The following HSPB8 variants were observed in gnomAD, a reference collection of about 807,000 sequenced individuals.
HSPB8 encodes heat shock protein beta-8.
HSPB8 carries 9 observed loss-of-function variants against 16.5 expected under a neutral mutation model. That is an observed-to-expected ratio of 0.55 (90% confidence interval 0.33 to 0.95). The LOEUF is 0.95. Among genes scored for constraint, HSPB8 ranks in the 40% least tolerant of loss-of-function variants. The pLI, the probability that HSPB8 is intolerant of heterozygous loss-of-function variation, is 0.03. For missense variants in HSPB8, 238 were observed against 251.2 expected (o/e 0.95, Z 0.35); for synonymous variants, 99 against 94.8 (o/e 1.04, Z -0.26).
chr12:119,192,025 C>T (rs562119236), intron 2 of HSPB8, among the ~76,000 whole-genome samples: 1 of 152,240 alleles, frequency 6.6e-6, no homozygotes, highest in African/African-American at 2.4e-5. Context: ...ATAGAAAGTA[C>T]TCAGAAGGTC....
chr12:119,193,870 TGGCCCA>T lies in HSPB8; in HGVS notation c.*13_*18del, dbSNP rs1441727425. The T allele has an allele frequency of 6.2e-7, 1 of 1,613,884 alleles. No homozygotes were observed. The highest frequency in any genetic ancestry group is 8.5e-7 in the Non-Finnish European group (1 of 1,179,910). ...TCACCTGTACCTGAGATGCCAGTACTGGCCCATCCTTGTTTTGTCCCCAACCCTAGG... is the reference window on the plus strand; with the variant it reads ...TCACCTGTACCTGAGATGCCAGTACTTCCTTGTTTTGTCCCCAACCCTAGG... On this transcript the variant is annotated 3_prime_UTR_variant, in exon 3 of 3. Coordinates refer to ENST00000281938, the MANE Select transcript of HSPB8 (RefSeq NM_014365.3).
chr12:119,183,320 T>A (rs1954651486), intron 1 of HSPB8: 1 of 152,258 alleles, frequency 6.6e-6, no homozygotes, highest in Admixed American at 6.5e-5. Context: ...ACCCCCATCC[T>A]GCAACCACCA....
chr12:119,193,921 A>G lies in HSPB8; in HGVS notation c.*63A>G, dbSNP rs1954728690. ...CCTAGGGCTTCTCTGATTCCAGGAT[A>G]CATTACTTTAGCTGAACTCAGATTT... is the stretch of plus-strand genomic sequence containing the variant. On this transcript the variant is annotated 3_prime_UTR_variant, in exon 3 of 3. Coordinates refer to ENST00000281938, the MANE Select transcript of HSPB8 (RefSeq NM_014365.3). 1 of 1,558,408 alleles carries G rather than the reference A, an allele frequency of 6.4e-7. No homozygotes were observed. The highest frequency in any genetic ancestry group is 2.2e-5 in the East Asian group (1 of 44,604).
intron 2 of HSPB8, among the ~76,000 whole-genome samples, chr12:119,191,644 T>C (rs1206359619): frequency 6.6e-6 from 1 of 151,518 alleles, no homozygotes; most frequent in African/African-American, 2.4e-5. Flanking sequence ...GTCCTGCCTA[T>C]GATCAGGAAT....
chr12:119,193,370 A>G (rs1954724012), intron 2 of HSPB8, among the ~76,000 whole-genome samples: 1 of 152,236 alleles, frequency 6.6e-6, no homozygotes, highest in Non-Finnish European at 1.5e-5. Context: ...CTGGGACCAA[A>G]TATGTGGGCC....
intron 1 of HSPB8, among the ~76,000 whole-genome samples, chr12:119,183,824 C>T (rs183632522): frequency 3.9e-5 from 6 of 152,256 alleles, no homozygotes; most frequent in Admixed American, 3.3e-4. Context: ...CAGAGATCCT[C>T]CCTTCCCTCA....
At chr12:119,188,998 CA>C (rs1426435338) in intron 2 of HSPB8, among the ~76,000 whole-genome samples, 13 of 152,208 alleles carry the variant, frequency 8.5e-5, no homozygotes, top group Non-Finnish European at 1.6e-4. Flanking sequence ...TCTCTTCCCC[CA>C]CATGTCCGTC....
intron 1 of HSPB8, among the ~76,000 whole-genome samples, chr12:119,185,708 G>A (rs1297467611): frequency 6.6e-6 from 1 of 151,874 alleles, no homozygotes; most frequent in African/African-American, 2.4e-5. Context: ...TCCTGGCCTC[G>A]AGTCATCCTC....
At chr12:119,190,798 G>C (rs1429946068) in intron 2 of HSPB8, among the ~76,000 whole-genome samples, 2 of 152,198 alleles carry the variant, frequency 1.3e-5, no homozygotes, top group African/African-American at 4.8e-5. Flanking sequence ...AAGGGCCTCA[G>C]CTCTCTCATT....
intron 2 of HSPB8, 42 bp from the exon 3 acceptor site, chr12:119,193,657 T>C (rs1485825521): frequency 1.2e-6 from 2 of 1,600,748 alleles, no homozygotes; most frequent in Non-Finnish European, 1.7e-6. Context: ...GTTTAAGCAA[T>C]ATTAACAACA....
chr12:119,194,034 G>A lies in HSPB8; in HGVS notation c.*176G>A. On this transcript the variant is annotated 3_prime_UTR_variant, in exon 3 of 3. Coordinates refer to ENST00000281938, the MANE Select transcript of HSPB8 (RefSeq NM_014365.3). ...TAGTGGTAGATTTCTCCACAGGATA[G>A]CGCAATTGGCAAATCATGCTTGGTT... 1 of 707,526 alleles carries A rather than the reference G, an allele frequency of 1.4e-6. No homozygotes were observed. Among genetic ancestry groups the A allele is most frequent in the South Asian group, 1.7e-5 (1 of 60,480 alleles). 43.8% of individuals were successfully genotyped at this position (707,526 alleles called of 1,614,324 possible).
Position 119,194,705 on chromosome 12 carries a change from T to TTAA in HSPB8, c.*869_*871dup, listed in dbSNP as rs60924821. On this transcript the variant is annotated 3_prime_UTR_variant, in exon 3 of 3. Coordinates refer to ENST00000281938, the MANE Select transcript of HSPB8 (RefSeq NM_014365.3). ...TTTAGGGGTAAATAACAGTAAATAA[T>TTAA]TAATAATAATAATAATAATAATAAA... The TTAA allele has an allele frequency of 0.34, 96,063 of 282,338 alleles. 16,571 individuals carry two copies. Among genetic ancestry groups the TTAA allele is most frequent in the Admixed American group, 0.46 (8,773 of 19,140 alleles). 17.5% of individuals were successfully genotyped at this position (282,338 alleles called of 1,614,324 possible).
chr12:119,185,665 T>A (rs11064698), intron 1 of HSPB8, among the ~76,000 whole-genome samples: 1 of 151,618 alleles, frequency 6.6e-6, no homozygotes, highest in Non-Finnish European at 1.5e-5. Context: ...TTAGAAACAG[T>A]GCCTCTCTAT....
intron 2 of HSPB8, among the ~76,000 whole-genome samples, chr12:119,191,725 A>G (rs1954713678): frequency 6.6e-6 from 1 of 152,178 alleles, no homozygotes; most frequent in Non-Finnish European, 1.5e-5. Context: ...AGCAGGGATC[A>G]GTGGAAAGAT....
chr12:119,179,585 C>T lies in HSPB8; in HGVS notation c.273C>T (p.Phe91=), dbSNP rs540697245. ...CCGAGGGCAGGACCCCCCCACCCTT[C>T]CCTGGGGAGCCCTGGAAAGTGTGTG... ...VPAEGRTPPP[F]PGEPWKVCVN... Residue 91 remains phenylalanine, a synonymous_variant, in exon 1 of 3, where the codon TTC becomes TTT. Transcript: ENST00000281938. 43 of 1,610,930 alleles carry T rather than the reference C, an allele frequency of 2.7e-5. No individual in the cohort carries two copies. The highest frequency in any genetic ancestry group is 2.6e-4 in the South Asian group (24 of 90,898).
intron 1 of HSPB8, among the ~76,000 whole-genome samples, chr12:119,182,681 G>A (rs890601696): frequency 6.6e-6 from 1 of 152,108 alleles, no homozygotes; most frequent in African/African-American, 2.4e-5. Flanking sequence ...CAATTTTCAA[G>A]GGAAGTTGGA....
intron 2 of HSPB8, among the ~76,000 whole-genome samples, chr12:119,189,113 A>T (rs138614056): frequency 1.3e-5 from 2 of 152,236 alleles, no homozygotes; most frequent in East Asian, 1.9e-4. Context: ...CTTGCCTGGC[A>T]TCTCCGTGCC....
At chr12:119,182,280 G>A (rs1441624687) in intron 1 of HSPB8, 2 of 152,194 alleles carry the variant, frequency 1.3e-5, no homozygotes, top group Non-Finnish European at 2.9e-5. Context: ...TTCCCTGAGA[G>A]TCCATACAAG....
At chr12:119,182,978 T>TG (rs1264821246) in intron 1 of HSPB8, 1 of 152,228 alleles carries the variant, frequency 6.6e-6, no homozygotes, top group African/African-American at 2.4e-5. Context: ...GGTGTGGCCC[T>TG]GAGCAAATCC....
Sources: gnomAD v4.1 joint callset for allele counts (sites outside exome capture counted in the v4.1 genomes callset) on GRCh38, gnomAD v4.1.1 for gene constraint, MANE v1.5 for transcripts, NCBI Gene and HGNC (gene_info 2026-07-23, HGNC 2026-07-21) for gene names.